Variants in RNF141 observed in about 807,000 individuals in gnomAD.
RNF141 encodes the protein C3HC4-like zinc finger protein.
RNF141 carries 18 observed loss-of-function variants against 27.4 expected under a neutral mutation model. The ratio of observed to expected loss-of-function variants is 0.66; its 90% CI spans 0.45 to 0.97. RNF141 has a LOEUF of 0.97. Ranked by LOEUF, RNF141 falls within the 50% of genes least tolerant of loss-of-function variation. The probability of loss-of-function intolerance (pLI) is 0.00; values close to 1 mark genes in which losing one functional copy is unlikely to be tolerated. For synonymous variants in RNF141, 97 were observed against 96.6 expected (o/e 1.00, Z -0.02); for missense variants, 230 against 279.4 (o/e 0.82, Z 1.26).
In RNF141 at chr11:10,519,043, A is replaced by G. The variant is rs1461697781; in HGVS notation, c.533T>C (p.Ile178Thr). ...GCAGTAGGTAACTTACCATTTATCA[A>G]TACACTTCTGACAAAAGCTGTGAGC... ...PCAHSFCQKC[I>T]DKWSDRHRNC... is the part of the protein sequence containing the mutation. Residue 178 changes from isoleucine to threonine, a missense_variant, in exon 5 of 6, where the codon ATT becomes ACT. By Grantham distance (89) the Ile-to-Thr change is moderately conservative. Transcript: ENST00000265981. 13 of 1,613,540 alleles carry G rather than the reference A, an allele frequency of 8.1e-6. No individual in the cohort carries two copies. The highest frequency in any genetic ancestry group is 1.7e-5 in the Admixed American group (1 of 59,968).
intron 1 of RNF141, among the ~76,000 whole-genome samples, chr11:10,540,024 G>T (rs1484070740): frequency 1.3e-5 from 2 of 152,022 alleles, no homozygotes; most frequent in African/African-American, 2.4e-5. Flanking sequence ...CAATGTGAAA[G>T]AAAAGGATAA....
At chr11:10,534,953 C>T (rs1422802412) in intron 1 of RNF141, among the ~76,000 whole-genome samples, 2 of 152,036 alleles carry the variant, frequency 1.3e-5, no homozygotes, top group African/African-American at 4.8e-5. Context: ...AACCACCTCA[C>T]ATTTTCTGCC....
intron 1 of RNF141, among the ~76,000 whole-genome samples, chr11:10,537,031 A>G (rs1850043687): frequency 1.3e-5 from 2 of 152,262 alleles, no homozygotes. Flanking sequence ...ACAATGAAGC[A>G]ATATAAGTTT....
chr11:10,526,566 G>T (rs573827898), intron 3 of RNF141, among the ~76,000 whole-genome samples: 1 of 152,078 alleles, frequency 6.6e-6, no homozygotes. Flanking sequence ...GGCAGATCAT[G>T]AGGTCAGGAG....
At chr11:10,523,471 A>C (rs1041432204) in intron 4 of RNF141, among the ~76,000 whole-genome samples, 3 of 152,238 alleles carry the variant, frequency 2.0e-5, no homozygotes, top group Non-Finnish European at 4.4e-5. Context: ...CACTCATCAC[A>C]ATTCTATACC....
intron 4 of RNF141, among the ~76,000 whole-genome samples, chr11:10,521,554 T>C (rs1010252029): frequency 1.3e-5 from 2 of 152,250 alleles, no homozygotes; most frequent in Non-Finnish European, 2.9e-5. Context: ...TTCCCTGTTG[T>C]GCTTATAGCA....
chr11:10,541,157 G>C lies in RNF141; in HGVS notation c.-83C>G, dbSNP rs1055060857. The C allele has an allele frequency of 6.6e-6, 1 of 152,390 alleles. No individual in the cohort carries two copies. Among genetic ancestry groups the C allele is most frequent in the African/African-American group, 2.4e-5 (1 of 41,458 alleles). The allele number at this position is 152,390 out of a possible 1,614,324, so 9.4% of individuals were successfully genotyped here. ...AGGCATCGCGCACCCTGCGGCAGCG[G>C]CTGCGCTGCCTCAGCCCACAGCTCA... is the stretch of plus-strand genomic sequence containing the variant. On this transcript the variant is annotated 5_prime_UTR_variant, in exon 1 of 6. Coordinates refer to ENST00000265981, the MANE Select transcript of RNF141 (RefSeq NM_016422.4).
intron 3 of RNF141, among the ~76,000 whole-genome samples, chr11:10,528,249 C>T (rs1404481944): frequency 6.6e-6 from 1 of 152,084 alleles, no homozygotes; most frequent in Non-Finnish European, 1.5e-5. Flanking sequence ...TCTCAATCTC[C>T]TATCAGTTTT....
At chr11:10,540,339 A>G (rs1472932715) in intron 1 of RNF141, among the ~76,000 whole-genome samples, 2 of 152,222 alleles carry the variant, frequency 1.3e-5, no homozygotes, top group African/African-American at 4.8e-5. Flanking sequence ...TCAGAATATA[A>G]AAGGTACACT....
chr11:10,514,365 C>A lies in RNF141; in HGVS notation c.*551G>T, dbSNP rs1050548148. 1.3e-5 allele frequency: 2 copies of A among 152,678 alleles called. No homozygotes were observed. The highest frequency in any genetic ancestry group is 1.9e-4 in the East Asian group (1 of 5,190). 9.5% of individuals were successfully genotyped at this position (152,678 alleles called of 1,614,324 possible). Reference sequence around the variant, plus strand: ...CTAAAGTTATGAAATAATTGTGGATCATTTCAAGTAAAAATTATTAAAGGA... The same window carrying A: ...CTAAAGTTATGAAATAATTGTGGATAATTTCAAGTAAAAATTATTAAAGGA... On this transcript the variant is annotated 3_prime_UTR_variant, in exon 6 of 6. Coordinates refer to ENST00000265981, the MANE Select transcript of RNF141 (RefSeq NM_016422.4).
At position 10,534,030 on chromosome 11, in the gene RNF141, A is replaced by G. The variant is rs1368071761; in HGVS notation, c.129T>C (p.Ala43=). The stretch of plus-strand genomic sequence containing the variant: ...GCAAGCCTTACACATCATTAAGCTC[A>G]GCTACTCTCCCAAGAAATTCTTCAT... ...LTYEEFLGRV[A]ELNDVTAKVA... Residue 43 remains alanine, a synonymous_variant, in exon 2 of 6, where the codon GCT becomes GCC. Coordinates refer to ENST00000265981, the MANE Select transcript of RNF141 (RefSeq NM_016422.4). 1 of 1,613,316 alleles carries G rather than the reference A, an allele frequency of 6.2e-7. No homozygotes were observed. The highest frequency in any genetic ancestry group is 2.2e-5 in the East Asian group (1 of 44,864).
intron 3 of RNF141, among the ~76,000 whole-genome samples, chr11:10,529,631 G>T (rs990029755): frequency 5.3e-5 from 8 of 152,220 alleles, no homozygotes; most frequent in Non-Finnish European, 1.2e-4. Flanking sequence ...GTAATCTGAT[G>T]CGAGTTGTGC....
At chr11:10,530,998 C>T (rs1458590919) in intron 2 of RNF141, among the ~76,000 whole-genome samples, 3 of 152,078 alleles carry the variant, frequency 2.0e-5, no homozygotes, top group African/African-American at 7.2e-5. Flanking sequence ...ATTTATAAAT[C>T]TCTCTTTGTC....
intron 1 of RNF141, among the ~76,000 whole-genome samples, chr11:10,535,645 G>T (rs549804508): frequency 6.6e-6 from 1 of 152,084 alleles, no homozygotes; most frequent in Admixed American, 6.5e-5. Context: ...CCATGGTGTT[G>T]GATACTTCTT....
intron 2 of RNF141, chr11:10,532,037 C>T: frequency 4.4e-6 from 2 of 451,368 alleles, no homozygotes; most frequent in South Asian, 3.1e-5. Context: ...AAAGGAAGAC[C>T]TCTGTATCAC....
At chr11:10,536,029 G>T (rs1459283592) in intron 1 of RNF141, among the ~76,000 whole-genome samples, 1 of 152,176 alleles carries the variant, frequency 6.6e-6, no homozygotes, top group Non-Finnish European at 1.5e-5. Context: ...CCACTGTGGA[G>T]CATCCAATAC....
intron 3 of RNF141, among the ~76,000 whole-genome samples, chr11:10,527,196 G>A (rs145223530): frequency 1.2e-4 from 18 of 152,342 alleles, no homozygotes; most frequent in African/African-American, 4.3e-4. Context: ...ACTAGCCACA[G>A]TGTGTATAAA....
At chr11:10,533,962 TG>T (rs754291072) in intron 2 of RNF141, 53 bp downstream of exon 2, 14 of 1,539,226 alleles carry the variant, frequency 9.1e-6, no homozygotes, top group Non-Finnish European at 1.2e-5. Context: ...CCATGACATA[TG>T]GGGCATACAT....
chr11:10,538,500 T>C (rs557554205), intron 1 of RNF141, among the ~76,000 whole-genome samples: 33 of 152,328 alleles, frequency 2.2e-4, no homozygotes, highest in African/African-American at 7.9e-4. Context: ...CTTTTCAGTG[T>C]CCCTCTTTGG....
Sources: gnomAD v4.1 joint callset for allele counts (sites outside exome capture counted in the v4.1 genomes callset) on GRCh38, gnomAD v4.1.1 for gene constraint, MANE v1.5 for transcripts, NCBI Gene and HGNC (gene_info 2026-07-23, HGNC 2026-07-21) for gene names.